Variants in NRG1 observed in about 807,000 individuals in gnomAD.
The protein encoded by NRG1 is neuregulin 1, also known as pro-neuregulin-1, membrane-bound isoform.
A neutral mutation model predicts 63.8 loss-of-function variants in NRG1; 18 were observed. That is an observed-to-expected ratio of 0.28 (90% CI 0.19 to 0.42). The LOEUF (loss-of-function observed/expected upper bound fraction) is 0.42, where lower values mean the gene tolerates loss of function less well. Ranked by LOEUF, NRG1 falls within the 10% of genes least tolerant of loss-of-function variation. The probability of loss-of-function intolerance (pLI) is 1.00; values close to 1 mark genes in which losing one functional copy is unlikely to be tolerated. For missense variants in NRG1, 762 were observed against 814.7 expected, an observed-to-expected ratio of 0.94 and a Z score of 0.79; for synonymous variants, 302 against 301.3, an observed-to-expected ratio of 1.00 and a Z score of -0.02.
At chr8:32,146,950 G>A (rs1410875514) in intron 1 of NRG1, among the ~76,000 whole-genome samples, 1 of 152,126 alleles carries the variant, frequency 6.6e-6, no homozygotes, top group Non-Finnish European at 1.5e-5. Context: ...AAAGAGAAGA[G>A]ATTGAGATAT....
intron 1 of NRG1, among the ~76,000 whole-genome samples, chr8:32,077,469 C>T (rs1826766065): frequency 6.6e-6 from 1 of 152,176 alleles, no homozygotes; most frequent in Non-Finnish European, 1.5e-5. Flanking sequence ...CTTATATCTA[C>T]AGTCCCTGGC....
At chr8:32,142,144 C>G (rs1836357483) in intron 1 of NRG1, among the ~76,000 whole-genome samples, 1 of 152,184 alleles carries the variant, frequency 6.6e-6, no homozygotes, top group African/African-American at 2.4e-5. Context: ...TTCTGCCTGA[C>G]CCTGGACATT....
At chr8:31,753,187 T>G (rs1816654307) in intron 1 of NRG1, among the ~76,000 whole-genome samples, 1 of 152,076 alleles carries the variant, frequency 6.6e-6, no homozygotes, top group African/African-American at 2.4e-5. Context: ...TATTTTACTT[T>G]TATACAGAAG....
At chr8:32,303,155 TG>T (rs1855778214) in intron 1 of NRG1, among the ~76,000 whole-genome samples, 1 of 121,540 alleles carries the variant, frequency 8.2e-6, no homozygotes, top group South Asian at 2.5e-4. Flanking sequence ...CACTCCAGCT[TG>T]GGGCAGAAAG....
intron 1 of NRG1, among the ~76,000 whole-genome samples, chr8:32,234,477 C>T (rs1847322647): frequency 1.3e-5 from 2 of 152,122 alleles, no homozygotes; most frequent in South Asian, 4.1e-4. Flanking sequence ...CTCCCATAAG[C>T]TAAGAAGTTA....
chr8:31,772,498 AG>A (rs1563383397), intron 1 of NRG1, among the ~76,000 whole-genome samples: 1 of 152,112 alleles, frequency 6.6e-6, no homozygotes, highest in Non-Finnish European at 1.5e-5. Context: ...TCCATCTCCT[AG>A]TAGTATCTAT....
intron 1 of NRG1, among the ~76,000 whole-genome samples, chr8:32,433,433 T>C (rs1327916759): frequency 6.6e-6 from 1 of 152,194 alleles, no homozygotes; most frequent in Non-Finnish European, 1.5e-5. Flanking sequence ...ATTGTGGACT[T>C]CTTAGCATGC....
chr8:31,927,972 C>T lies in NRG1; in HGVS notation c.37+288541C>T, dbSNP rs544071526. The stretch of plus-strand genomic sequence containing the variant: ...ATGTTGGTGTGTGCACCCATTAACT[C>T]GTCATTCAGCATTAGGTATATTTAA... On this transcript the variant is annotated intron_variant, in intron 1 of 10. Coordinates refer to the NRG1 transcript ENST00000519301. 1.9e-4 allele frequency among the ~76,000 whole-genome samples: 27 copies of T among 143,270 alleles called. No homozygotes were observed. The East Asian group carries it at 4.8e-3, about 25-fold the overall frequency. 94.0% of individuals were successfully genotyped at this position (143,270 alleles called of 152,430 possible).
intron 1 of NRG1, among the ~76,000 whole-genome samples, chr8:31,835,828 G>C (rs1278174853): frequency 1.3e-5 from 2 of 152,144 alleles, no homozygotes; most frequent in Non-Finnish European, 2.9e-5. Flanking sequence ...GCTAGACTGT[G>C]CTGTTCAGTA....
chr8:31,839,873 C>T (rs779030336), intron 1 of NRG1, among the ~76,000 whole-genome samples: 2 of 152,032 alleles, frequency 1.3e-5, no homozygotes, highest in Non-Finnish European at 2.9e-5. Context: ...CCTGTGAAAT[C>T]GCAGGGACAG....
intron 1 of NRG1, among the ~76,000 whole-genome samples, chr8:31,949,699 G>A (rs943990857): frequency 1.3e-5 from 2 of 152,116 alleles, no homozygotes; most frequent in Non-Finnish European, 2.9e-5. Flanking sequence ...CTTGCCCCTG[G>A]ATTCTGCCCT....
intron 5 of NRG1, among the ~76,000 whole-genome samples, chr8:32,666,017 A>T (rs1051232180): frequency 7.2e-5 from 11 of 152,134 alleles, no homozygotes; most frequent in Non-Finnish European, 1.5e-4. Context: ...TCCAGTTTCC[A>T]TTACTTCTTG....
At chr8:31,700,932 A>G (rs928544476) in intron 1 of NRG1, among the ~76,000 whole-genome samples, 2 of 152,134 alleles carry the variant, frequency 1.3e-5, no homozygotes, top group East Asian at 3.9e-4. Flanking sequence ...TGCTAGTTTA[A>G]ATCACATTTC....
chr8:31,858,241 A>G (rs1224409549), intron 1 of NRG1, among the ~76,000 whole-genome samples: 5 of 151,754 alleles, frequency 3.3e-5, no homozygotes, highest in East Asian at 1.9e-4. Context: ...GGAGCTTGCA[A>G]TGAGCTGAGA....
intron 1 of NRG1, among the ~76,000 whole-genome samples, chr8:31,847,724 C>A (rs983575605): frequency 2.0e-5 from 3 of 152,304 alleles, no homozygotes; most frequent in East Asian, 1.9e-4. Flanking sequence ...ACATGTGGCA[C>A]CACTTGAGTT....
chr8:31,943,911 A>C (rs1441788889), intron 1 of NRG1, among the ~76,000 whole-genome samples: 1 of 152,164 alleles, frequency 6.6e-6, no homozygotes, highest in Admixed American at 6.5e-5. Context: ...CAATCCTCTC[A>C]CATTTTGTGA....
intron 1 of NRG1, among the ~76,000 whole-genome samples, chr8:32,495,261 G>C (rs1383881667): frequency 6.6e-6 from 1 of 152,150 alleles, no homozygotes; most frequent in Non-Finnish European, 1.5e-5. Context: ...CTGTTCTTGT[G>C]ATAGTCAATA....
At chr8:32,757,087 C>A (rs983544201) in intron 9 of NRG1, among the ~76,000 whole-genome samples, 3 of 152,154 alleles carry the variant, frequency 2.0e-5, no homozygotes, top group African/African-American at 7.2e-5. Flanking sequence ...CCAGCTTCTT[C>A]CCTGGCCCTT....
intron 1 of NRG1, among the ~76,000 whole-genome samples, chr8:32,549,453 A>T (rs1245813404): frequency 6.6e-6 from 1 of 152,224 alleles, no homozygotes; most frequent in Non-Finnish European, 1.5e-5. Context: ...AGGTCAGCGA[A>T]GCAGATGAAA....
Sources: allele counts gnomAD v4.1 joint callset (sites outside exome capture counted in the v4.1 genomes callset), GRCh38; gene constraint gnomAD v4.1.1; transcripts MANE v1.5; gene names NCBI Gene and HGNC (gene_info 2026-07-23, HGNC 2026-07-21).